The following SATL1 variants were observed in gnomAD, a reference collection of about 807,000 sequenced individuals.
SATL1 encodes the protein spermidine/spermine N1-acetyl transferase like 1.
Under a neutral mutation model 51.8 loss-of-function variants are expected in SATL1, and 47 were observed. That is an observed-to-expected ratio of 0.91 (90% CI 0.72 to 1.16). SATL1 has a LOEUF of 1.16. Among genes scored for constraint, SATL1 ranks in the 50% most tolerant of loss-of-function variants. The pLI, the probability that SATL1 is intolerant of heterozygous loss-of-function variation, is 0.00. For synonymous variants in SATL1, 176 were observed against 182.4 expected (o/e 0.97, Z 0.28); for missense variants, 520 against 526.4 (o/e 0.99, Z 0.12).
intron 2 of SATL1, among the ~76,000 whole-genome samples, chrX:85,159,507 C>A (rs754167844): frequency 2.6e-4 from 29 of 111,419 alleles, no homozygotes; most frequent in Non-Finnish European, 5.5e-4. Context: ...ACAATCCCCA[C>A]CTGACTGCCC....
chrX:85,094,771 A>G lies in SATL1; in HGVS notation c.1774+145T>C, dbSNP rs1274340749. 6.9e-5 allele frequency: 30 copies of G among 434,790 alleles called. 1 individual carries two copies. The highest frequency in any genetic ancestry group is 4.5e-5 in the Non-Finnish European group (11 of 245,477). 35.8% of individuals were successfully genotyped at this position (434,790 alleles called of 1,213,427 possible). On this transcript the variant is annotated intron_variant, in intron 5 of 7. Coordinates refer to ENST00000644105, the MANE Select transcript of SATL1 (RefSeq NM_001367857.2). ...TAATAATGTTTATACAAACATAAGT[A>G]CATACCATGCATTTTCTTTAAAAAA...
intron 4 of SATL1, among the ~76,000 whole-genome samples, chrX:85,102,927 C>A (rs915227521): frequency 4.5e-5 from 5 of 111,268 alleles, no homozygotes; most frequent in African/African-American, 1.6e-4. Context: ...GATTTTGGAG[C>A]ATTTCAGATT....
intron 3 of SATL1, 113 bp downstream of exon 3, chrX:85,107,215 A>G: frequency 1.9e-6 from 1 of 523,343 alleles, no homozygotes; most frequent in Admixed American, 3.5e-5. Flanking sequence ...TAACTACCAG[A>G]GGTTATGAAC....
chrX:85,201,410 T>C (rs894332117), intron 2 of SATL1, among the ~76,000 whole-genome samples: 1 of 111,405 alleles, frequency 9.0e-6, no homozygotes, highest in Non-Finnish European at 1.9e-5. Context: ...CCCTGATCTA[T>C]TGTAAGTTAT....
At chrX:85,242,400 C>T (rs892271592) in intron 1 of SATL1, among the ~76,000 whole-genome samples, 1 of 112,495 alleles carries the variant, frequency 8.9e-6, no homozygotes, top group Non-Finnish European at 1.9e-5. Flanking sequence ...CTATGGCCCA[C>T]AAGCCAAATC....
At chrX:85,174,600 T>C (rs1947260310) in intron 2 of SATL1, among the ~76,000 whole-genome samples, 1 of 111,229 alleles carries the variant, frequency 9.0e-6, no homozygotes, top group Non-Finnish European at 1.9e-5. Context: ...TGGGATTACA[T>C]GTGTAAGCCA....
At chrX:85,118,114 G>A (rs1277063838) in intron 2 of SATL1, among the ~76,000 whole-genome samples, 2 of 32,567 alleles carry the variant, frequency 6.1e-5, no homozygotes, top group Non-Finnish European at 1.9e-4. Flanking sequence ...CCAGAGTGCA[G>A]TCTAGAGAAA....
Position 85,166,915 on chromosome X carries a change from G to GTATATATATA in SATL1, c.-313+57280_-313+57289dup, listed in dbSNP as rs749160963. ...CCAATAAGTGAATAAAGAAAATGGG[G>GTATATATATA]TATATATATATATATATATATGTGT... is the stretch of plus-strand genomic sequence containing the variant. On this transcript the variant is annotated intron_variant, in intron 2 of 7. Transcript: ENST00000644105. Among the ~76,000 whole-genome samples the GTATATATATA allele has an allele frequency of 1.7e-4, 14 of 84,213 alleles. No individual in the cohort carries two copies. In the South Asian group the frequency reaches 3.1e-3, roughly 19 times the overall value. 73.1% of individuals were successfully genotyped at this position (84,213 alleles called of 115,157 possible).
intron 6 of SATL1, among the ~76,000 whole-genome samples, chrX:85,093,608 C>G (rs778207356): frequency 1.8e-5 from 2 of 112,597 alleles, no homozygotes; most frequent in South Asian, 3.7e-4. Context: ...ATGGCTCACA[C>G]CTGTAATCCC....
intron 1 of SATL1, among the ~76,000 whole-genome samples, chrX:85,231,834 A>T (rs1281379436): frequency 9.0e-6 from 1 of 111,247 alleles, no homozygotes; most frequent in African/African-American, 3.3e-5. Context: ...GGGGATCTAA[A>T]TAAACTTGAA....
At chrX:85,203,048 A>AG (rs932974230) in intron 2 of SATL1, among the ~76,000 whole-genome samples, 2 of 111,636 alleles carry the variant, frequency 1.8e-5, no homozygotes, top group Non-Finnish European at 1.9e-5. Flanking sequence ...CCCACGTAAC[A>AG]GTCTGGCCAC....
At chrX:85,138,633 T>G (rs1453344261) in intron 2 of SATL1, among the ~76,000 whole-genome samples, 1 of 112,255 alleles carries the variant, frequency 8.9e-6, no homozygotes, top group Non-Finnish European at 1.9e-5. Context: ...ATCTGGGCTT[T>G]TATTTCTTTG....
rs192250209 is a variant in SATL1 at position 85,231,031 on chromosome X, T to C, written c.-434-6705A>G. 1.2e-4 allele frequency among the ~76,000 whole-genome samples: 13 copies of C among 111,972 alleles called. No individual in the cohort carries two copies. In the East Asian group the frequency reaches 1.4e-3, roughly 12 times the overall value. On this transcript the variant is annotated intron_variant, in intron 1 of 7. Coordinates refer to ENST00000644105, the MANE Select transcript of SATL1 (RefSeq NM_001367857.2). ...AAAAACTAAAAATAGAGCTACCATATGATGCAGCAACCCCACTTCTGGGTA... is the reference window on the plus strand; with the variant it reads ...AAAAACTAAAAATAGAGCTACCATACGATGCAGCAACCCCACTTCTGGGTA...
chrX:85,213,316 T>G (rs1316716099), intron 2 of SATL1, among the ~76,000 whole-genome samples: 1 of 112,100 alleles, frequency 8.9e-6, no homozygotes, highest in Admixed American at 9.5e-5. Flanking sequence ...AAGGTAATGT[T>G]GAACACTAGC....
rs1924588933 is a variant in SATL1, at chrX:85,093,377, C to G, written c.1877-152G>C. On this transcript the variant is annotated intron_variant, in intron 6 of 7. Coordinates refer to ENST00000644105, the MANE Select transcript of SATL1 (RefSeq NM_001367857.2). ...ACACAACTCGTGAATGCTTTCATAT[C>G]CCTTTTTCCTAATTGGAATGACGTA... is the stretch of plus-strand genomic sequence containing the variant. 3 of 504,515 alleles carry G rather than the reference C, an allele frequency of 5.9e-6. No homozygotes were observed. In the South Asian group the frequency reaches 1.3e-4, roughly 22 times the overall value. The allele number at this position is 504,515 out of a possible 1,213,427, so 41.6% of individuals were successfully genotyped here. A position where few individuals can be genotyped will look rare whatever the true frequency, so the allele number is the denominator to read the frequency against.
intron 2 of SATL1, among the ~76,000 whole-genome samples, chrX:85,174,956 G>C (rs899781427): frequency 9.0e-6 from 1 of 111,583 alleles, no homozygotes; most frequent in African/African-American, 3.3e-5. Flanking sequence ...AAGCAAAAAT[G>C]AATCTAGGCA....
intron 2 of SATL1, among the ~76,000 whole-genome samples, chrX:85,176,406 C>T (rs1188218559): frequency 1.8e-5 from 2 of 111,612 alleles, no homozygotes; most frequent in African/African-American, 3.2e-5. Context: ...TGAATTCACA[C>T]AACTTTTATT....
At chrX:85,101,605 G>A (rs1198775263) in intron 4 of SATL1, among the ~76,000 whole-genome samples, 1 of 111,679 alleles carries the variant, frequency 9.0e-6, no homozygotes, top group African/African-American at 3.3e-5. Flanking sequence ...TGCAGCTGTT[G>A]TGGAAAACAG....
At chrX:85,186,014 G>T (rs1335475402) in intron 2 of SATL1, among the ~76,000 whole-genome samples, 2 of 110,342 alleles carry the variant, frequency 1.8e-5, no homozygotes, top group Non-Finnish European at 3.8e-5. Context: ...CTGGTTAAAA[G>T]GATTCTTTAG....
Sources: allele counts gnomAD v4.1 joint callset (sites outside exome capture counted in the v4.1 genomes callset), GRCh38; gene constraint gnomAD v4.1.1; transcripts MANE v1.5; gene names NCBI Gene and HGNC (gene_info 2026-07-23, HGNC 2026-07-21).